The following OSBPL9 variants were observed in gnomAD, a reference collection of about 807,000 sequenced individuals.
OSBPL9 encodes oxysterol binding protein like 9.
In OSBPL9, 40 loss-of-function variants were observed where a neutral mutation model predicts 106.6. The observed-to-expected ratio is 0.38, with a 90% CI of 0.29 to 0.49. The LOEUF is 0.49. Ranked by LOEUF, OSBPL9 falls within the 20% of genes least tolerant of loss-of-function variation. The pLI is 0.97. For synonymous variants in OSBPL9, 269 were observed against 295.4 expected (o/e 0.91, Z 0.92); for missense variants, 609 against 887.2 (o/e 0.69, Z 3.98).
chr1:51,541,950 C>T, the OSBPL9 span, among the ~76,000 whole-genome samples: 11,839 of 152,044 alleles, frequency 0.078, 528 homozygotes, highest in Middle Eastern at 0.1. Context: ...TGCAGTGGCA[C>T]GATCTTAGGT....
At chr1:51,557,346 C>G in the OSBPL9 span, among the ~76,000 whole-genome samples, 2 of 152,170 alleles carry the variant, frequency 1.3e-5, no homozygotes, top group East Asian at 3.9e-4. Flanking sequence ...TATTTTCTTA[C>G]CTTTGGGATT....
the OSBPL9 span, chr1:51,519,182 C>T: frequency 2.8e-6 from 4 of 1,421,480 alleles, no homozygotes; most frequent in Admixed American, 2.6e-5. Context: ...GCCCGGCGGA[C>T]GGGCGTGTGG....
intron 1 of OSBPL9, among the ~76,000 whole-genome samples, chr1:51,631,585 G>A (rs1377782483): frequency 1.3e-5 from 2 of 152,040 alleles, no homozygotes. Flanking sequence ...CAATAGTGAT[G>A]TTATCTGCAG....
chr1:51,598,619 T>C (rs1490559815), intron 2 of OSBPL9, among the ~76,000 whole-genome samples: 1 of 152,194 alleles, frequency 6.6e-6, no homozygotes, highest in Non-Finnish European at 1.5e-5. Flanking sequence ...TGTGTGTGTG[T>C]GCCCGCGCAC....
chr1:51,631,784 A>G (rs1446135224), intron 1 of OSBPL9, among the ~76,000 whole-genome samples: 1 of 152,228 alleles, frequency 6.6e-6, no homozygotes, highest in East Asian at 1.9e-4. Context: ...GCTTAAGCCT[A>G]GAAATAATTG....
At chr1:51,633,066 C>T (rs1426343018) in intron 1 of OSBPL9, among the ~76,000 whole-genome samples, 1 of 152,036 alleles carries the variant, frequency 6.6e-6, no homozygotes, top group Non-Finnish European at 1.5e-5. Context: ...AAGCAATTCT[C>T]CTGCCTCAGC....
chr1:51,684,282 T>C (rs924076374), intron 3 of OSBPL9, among the ~76,000 whole-genome samples: 1 of 152,110 alleles, frequency 6.6e-6, no homozygotes, highest in Non-Finnish European at 1.5e-5. Flanking sequence ...GTGCTGGGAA[T>C]ACAGGTCCGA....
upstream of OSBPL9, among the ~76,000 whole-genome samples, chr1:51,614,604 C>A (rs1644012096): frequency 6.6e-6 from 1 of 152,088 alleles, no homozygotes; most frequent in Non-Finnish European, 1.5e-5. Context: ...CAAGCCCGGC[C>A]CACACCACAT....
At chr1:51,702,997 G>A (rs1331638857) in intron 3 of OSBPL9, among the ~76,000 whole-genome samples, 3 of 151,902 alleles carry the variant, frequency 2.0e-5, no homozygotes, top group Admixed American at 1.3e-4. Flanking sequence ...TGTTCCATTG[G>A]TCTATCTCTG....
the OSBPL9 span, among the ~76,000 whole-genome samples, chr1:51,524,251 A>C: frequency 2.6e-5 from 4 of 152,240 alleles, no homozygotes; most frequent in Non-Finnish European, 5.9e-5. Flanking sequence ...AATGCCATAC[A>C]CACGCAGGGT....
rs1465091613 is a variant in OSBPL9 at position 51,788,297 on chromosome 1, A to G, written c.*508A>G. The G allele has an allele frequency of 6.5e-6, 1 of 153,050 alleles. No homozygotes were observed. Among genetic ancestry groups the G allele is most frequent in the Non-Finnish European group, 1.5e-5 (1 of 68,362 alleles). The allele number at this position is 153,050 out of a possible 1,614,324, so 9.5% of individuals were successfully genotyped here. A position where few individuals can be genotyped will look rare whatever the true frequency, so the allele number is the denominator to read the frequency against. On this transcript the variant is annotated 3_prime_UTR_variant, in exon 24 of 24. Transcript: ENST00000428468. ...TTCCTCTGAGTTGTTTTAGAAAATT[A>G]GCGCAATGTATTAAAATCAAGTGTT...
chr1:51,748,250 T>G, intron 6 of OSBPL9, 119 bp from the exon 7 acceptor site: 4 of 1,198,380 alleles, frequency 3.3e-6, no homozygotes, highest in Non-Finnish European at 4.4e-6. Context: ...CCCAACTTGC[T>G]TGTACTCACT....
intron 1 of OSBPL9, among the ~76,000 whole-genome samples, chr1:51,579,865 TAATA>T (rs1188274407): frequency 2.0e-5 from 3 of 147,096 alleles, no homozygotes; most frequent in Non-Finnish European, 4.5e-5. Context: ...AAAATAATAA[TAATA>T]ATAATAATAA....
chr1:51,732,145 GAGC>G (rs1277785613), intron 4 of OSBPL9, among the ~76,000 whole-genome samples: 1 of 152,224 alleles, frequency 6.6e-6, no homozygotes, highest in Non-Finnish European at 1.5e-5. Flanking sequence ...AGCCAGGAAA[GAGC>G]ATTATTTTGT....
At chr1:51,697,453 CTTTTTTTTTTTTT>C (rs759965779) in intron 3 of OSBPL9, among the ~76,000 whole-genome samples, 1 of 103,166 alleles carries the variant, frequency 9.7e-6, no homozygotes, top group African/African-American at 3.6e-5. Flanking sequence ...ATAGGGGTTA[CTTTTTTTTTTTTT>C]TTTTTTTTTT....
At chr1:51,712,978 A>G (rs1304411654) in intron 3 of OSBPL9, among the ~76,000 whole-genome samples, 1 of 152,148 alleles carries the variant, frequency 6.6e-6, no homozygotes, top group Non-Finnish European at 1.5e-5. Context: ...CCATATGACC[A>G]AGCAATTGTT....
chr1:51,685,814 A>G (rs934599017), intron 3 of OSBPL9, among the ~76,000 whole-genome samples: 3 of 152,182 alleles, frequency 2.0e-5, no homozygotes, highest in Non-Finnish European at 4.4e-5. Context: ...CACATGTAAC[A>G]CTGATACAGC....
intron 3 of OSBPL9, among the ~76,000 whole-genome samples, chr1:51,691,870 G>A (rs1180175822): frequency 6.6e-6 from 1 of 151,962 alleles, no homozygotes; most frequent in Non-Finnish European, 1.5e-5. Context: ...TGTCCCGCTG[G>A]AAGGTTTTCA....
chr1:51,787,312 C>T (rs1677902696), intron 22 of OSBPL9, 41 bp from the exon 23 acceptor site: 1 of 1,586,170 alleles, frequency 6.3e-7, no homozygotes. Context: ...TGCAGGCTTT[C>T]ATTCTCAACA....
Sources: gnomAD v4.1 joint callset for allele counts (sites outside exome capture counted in the v4.1 genomes callset) on GRCh38, gnomAD v4.1.1 for gene constraint, MANE v1.5 for transcripts, NCBI Gene and HGNC (gene_info 2026-07-23, HGNC 2026-07-21) for gene names.